Variants in SETMAR observed in about 807,000 individuals in gnomAD.
SETMAR encodes the protein histone-lysine N-methyltransferase SETMAR.
Under a neutral mutation model 58.4 loss-of-function variants are expected in SETMAR, and 44 were observed. The ratio of observed to expected loss-of-function variants is 0.75; its 90% CI spans 0.59 to 0.97. The LOEUF is 0.97. Among genes scored for constraint, SETMAR ranks in the 50% least tolerant of loss-of-function variants. The pLI is 0.00. For synonymous variants in SETMAR, 332 were observed against 307.4 expected (o/e 1.08, Z -0.84); for missense variants, 903 against 840.2 (o/e 1.07, Z -0.92).
rs778335794 is a variant in SETMAR at position 4,313,709 on chromosome 3, T to G, written c.968T>G (p.Met323Arg). 1 of 1,614,024 alleles carries G rather than the reference T, an allele frequency of 6.2e-7. No homozygotes were observed. The highest frequency in any genetic ancestry group is 1.1e-5 in the South Asian group (1 of 91,090). Residue 323 changes from methionine (M) to arginine (R), a missense_variant, in exon 2 of 3, where the codon ATG becomes AGG. By Grantham distance (91) the Met-to-Arg change is moderately conservative (BLOSUM62 -1). Coordinates refer to ENST00000358065, the MANE Select transcript of SETMAR (RefSeq NM_006515.4). Reference sequence around the variant, plus strand: ...TGTGGAAATGAGAAGGAACCCAGCATGTGTGGCTCAGCCCCTTCTGTGTTC... The same window carrying G: ...TGTGGAAATGAGAAGGAACCCAGCAGGTGTGGCTCAGCCCCTTCTGTGTTC... ...ISCGNEKEPS[M>R]CGSAPSVFPS...
At chr3:4,305,902 T>C (rs948778775) in intron 1 of SETMAR, among the ~76,000 whole-genome samples, 22 of 152,210 alleles carry the variant, frequency 1.4e-4, no homozygotes, top group Non-Finnish European at 3.2e-4. Flanking sequence ...TACAGTTAGC[T>C]GGCCCAATAT....
intron 1 of SETMAR, among the ~76,000 whole-genome samples, chr3:4,304,420 G>C (rs1698099167): frequency 6.6e-6 from 1 of 152,218 alleles, no homozygotes; most frequent in South Asian, 2.1e-4. Flanking sequence ...GGGATTACAG[G>C]CATGAGCCAC....
intron 1 of SETMAR, among the ~76,000 whole-genome samples, chr3:4,308,738 GTTT>G (rs879407403): frequency 1.1e-3 from 162 of 152,328 alleles, no homozygotes; most frequent in South Asian, 2.3e-3. Flanking sequence ...TAGTCACAGA[GTTT>G]TCCTGCCTGG....
Position 4,317,044 on chromosome 3 carries a change from A to T in SETMAR, c.1853A>T (p.Asp618Val). 3 of 1,549,270 alleles carry T rather than the reference A, an allele frequency of 1.9e-6. No homozygotes were observed. The highest frequency in any genetic ancestry group is 1.7e-6 in the Non-Finnish European group (2 of 1,146,694). ...TTGCCTCATCCACCGTATTCACCTG[A>T]CCTCTTGCCAACCAACTACCACGTC... ...EVLPHPPYSP[D>V]LLPTNYHVFK... is the part of the protein sequence containing the mutation. The change falls in exon 3 of 3, where the codon GAC becomes GTC. Residue 618 changes from aspartate to valine, a missense_variant. By Grantham distance (152) the Asp-to-Val change is radical (BLOSUM62 -3). Transcript: ENST00000358065.
At chr3:4,311,608 G>A (rs1319550887) in intron 1 of SETMAR, among the ~76,000 whole-genome samples, 2 of 152,150 alleles carry the variant, frequency 1.3e-5, no homozygotes, top group Non-Finnish European at 2.9e-5. Context: ...TTCCTTACAG[G>A]CAGGGCAAGC....
In SETMAR at chr3:4,315,689, T is replaced by C. The variant is rs552818939; in HGVS notation, c.1021-523T>C. 2.6e-5 allele frequency among the ~76,000 whole-genome samples: 4 copies of C among 152,306 alleles called. No homozygotes were observed. In the South Asian group the frequency reaches 8.3e-4, roughly 32 times the overall value. On this transcript the variant is annotated intron_variant, in intron 2 of 2. Transcript: ENST00000358065. ...TCTTTTGAGAGAAAACATTTAAAAA[T>C]ATACTTCCACTTGACTATTATCCCA...
chr3:4,317,084 C>T lies in SETMAR; in HGVS notation c.1893C>T (p.Asn631=). 6.5e-7 allele frequency: 1 copy of T among 1,549,034 alleles called. No individual in the cohort carries two copies. The highest frequency in any genetic ancestry group is 8.7e-7 in the Non-Finnish European group (1 of 1,146,398). ...PTNYHVFKHL[N]NFLQGKRFHN... is the part of the protein sequence containing the mutation. ...ACTACCACGTCTTTAAGCATCTCAACAACTTTTTGCAGGGAAAACGCTTCC... is the reference window on the plus strand; with the variant it reads ...ACTACCACGTCTTTAAGCATCTCAATAACTTTTTGCAGGGAAAACGCTTCC... The change falls in exon 3 of 3, where the codon AAC becomes AAT. Residue 631 remains asparagine (N), a synonymous_variant. Coordinates refer to ENST00000358065, the MANE Select transcript of SETMAR (RefSeq NM_006515.4).
intron 1 of SETMAR, among the ~76,000 whole-genome samples, chr3:4,306,091 T>C (rs547228461): frequency 6.6e-6 from 1 of 152,314 alleles, no homozygotes; most frequent in East Asian, 1.9e-4. Context: ...AAACGCACTC[T>C]ACCCTCAAGG....
chr3:4,305,288 G>T lies in SETMAR; in HGVS notation c.156+1762G>T, dbSNP rs148276332. On this transcript the variant is annotated intron_variant, in intron 1 of 2. Coordinates refer to ENST00000358065, the MANE Select transcript of SETMAR (RefSeq NM_006515.4). ...TTTAGTAGAGACAGGGTTTTACCATGTTGCCCAGGCTGGTCTCAAACTCCT... is the reference window on the plus strand; with the variant it reads ...TTTAGTAGAGACAGGGTTTTACCATTTTGCCCAGGCTGGTCTCAAACTCCT... Among the ~76,000 whole-genome samples, 1,163 of 152,206 alleles carry T rather than the reference G, an allele frequency of 7.6e-3. 18 individuals are homozygous for T. The highest frequency in any genetic ancestry group is 0.026 in the African/African-American group (1,093 of 41,520).
At chr3:4,315,276 A>C (rs942009916) in intron 2 of SETMAR, among the ~76,000 whole-genome samples, 5 of 152,112 alleles carry the variant, frequency 3.3e-5, no homozygotes, top group Admixed American at 2.6e-4. Context: ...TCACAAGCTC[A>C]CCTAATAACT....
At chr3:4,312,375 A>G (rs1222614445) in intron 1 of SETMAR, among the ~76,000 whole-genome samples, 5 of 152,156 alleles carry the variant, frequency 3.3e-5, no homozygotes, top group Non-Finnish European at 4.4e-5. Context: ...GAAGTTACAA[A>G]GCTTTCTATT....
In SETMAR at chr3:4,317,164, C is replaced by A; in HGVS notation, c.1973C>A (p.Thr658Lys). The A allele has an allele frequency of 6.5e-7, 1 of 1,549,560 alleles. No individual in the cohort carries two copies. ...AFQEFVESQS[T>K]DFYATGINQL... ...CAAGAGTTCGTCGAATCCCAAAGCA[C>A]GGATTTTTACGCTACAGGAATAAAC... is the stretch of plus-strand genomic sequence containing the variant. Residue 658 changes from threonine to lysine, a missense_variant, in exon 3 of 3, where the codon ACG (threonine) becomes AAG (lysine). Coordinates refer to ENST00000358065, the MANE Select transcript of SETMAR (RefSeq NM_006515.4).
chr3:4,313,131 C>G lies in SETMAR; in HGVS notation c.390C>G (p.Asn130Lys). Residue 130 changes from asparagine (N) to lysine (K), a missense_variant, in exon 2 of 3, where the codon AAC (asparagine) becomes AAG (lysine). Coordinates refer to ENST00000358065, the MANE Select transcript of SETMAR (RefSeq NM_006515.4). ...VLCRCSDHCR[N>K]RVVQKGLQFH... The stretch of plus-strand genomic sequence containing the variant: ...GCCGATGCAGTGACCACTGCAGAAA[C>G]AGAGTGGTCCAGAAAGGTCTACAGT... 6.2e-7 allele frequency: 1 copy of G among 1,613,960 alleles called. No individual in the cohort carries two copies. Among genetic ancestry groups the G allele is most frequent in the African/African-American group, 1.3e-5 (1 of 75,022 alleles).
intron 1 of SETMAR, 142 bp downstream of exon 1, chr3:4,303,668 G>T: frequency 1.3e-6 from 2 of 1,486,312 alleles, no homozygotes; most frequent in Non-Finnish European, 1.8e-6. Context: ...GGGAATAGGT[G>T]TGCATGCCCC....
At chr3:4,313,895 C>T (rs989777016) in intron 2 of SETMAR, 134 bp downstream of exon 2, 1 of 1,440,048 alleles carries the variant, frequency 6.9e-7, no homozygotes, top group African/African-American at 1.4e-5. Flanking sequence ...CATCAGTATC[C>T]TTTCCCCTTT....
At chr3:4,311,871 TCTG>T (rs1698418975) in intron 1 of SETMAR, among the ~76,000 whole-genome samples, 2 of 152,198 alleles carry the variant, frequency 1.3e-5, no homozygotes, top group African/African-American at 2.4e-5. Context: ...CATAAAAAAA[TCTG>T]CTGGGTTCAT....
At chr3:4,315,130 C>G (rs1166928120) in intron 2 of SETMAR, among the ~76,000 whole-genome samples, 2 of 152,130 alleles carry the variant, frequency 1.3e-5, no homozygotes, top group Non-Finnish European at 2.9e-5. Context: ...ATTACAAATA[C>G]ATAGTATCAA....
chr3:4,311,232 T>C (rs1698392787), intron 1 of SETMAR, among the ~76,000 whole-genome samples: 1 of 152,174 alleles, frequency 6.6e-6, no homozygotes, highest in African/African-American at 2.4e-5. Context: ...GGTTTTGCAC[T>C]TAACTACATA....
intron 1 of SETMAR, among the ~76,000 whole-genome samples, chr3:4,312,138 T>C (rs1037787139): frequency 6.6e-6 from 1 of 152,226 alleles, no homozygotes; most frequent in Non-Finnish European, 1.5e-5. Context: ...TAATATCTAT[T>C]TAAGAAATAG....
Sources: gnomAD v4.1 joint callset for allele counts (sites outside exome capture counted in the v4.1 genomes callset) on GRCh38, gnomAD v4.1.1 for gene constraint, MANE v1.5 for transcripts, NCBI Gene and HGNC (gene_info 2026-07-23, HGNC 2026-07-21) for gene names.